GRK7: variants seen among roughly 807,000 people sequenced by gnomAD.
GRK7 encodes the protein rhodopsin kinase GRK7.
GRK7 carries 24 observed loss-of-function variants against 34.1 expected under a neutral mutation model. That is an observed-to-expected ratio of 0.70 (90% CI 0.51 to 0.99). The LOEUF is 0.99. Ranked by LOEUF, GRK7 falls within the 50% of genes least tolerant of loss-of-function variation. The pLI, the probability that GRK7 is intolerant of heterozygous loss-of-function variation, is 0.00. For missense variants in GRK7, 644 were observed against 707.3 expected (o/e 0.91, Z 1.02); for synonymous variants, 256 against 279.4 (o/e 0.92, Z 0.84).
chr3:141,801,894 A>G (rs1480051794), intron 4 of GRK7, among the ~76,000 whole-genome samples: 1 of 152,208 alleles, frequency 6.6e-6, no homozygotes, highest in African/African-American at 2.4e-5. Flanking sequence ...ATAATAAAAT[A>G]CTTTTTTAAA....
At chr3:141,808,677 C>T (rs1441939018) in intron 5 of GRK7, among the ~76,000 whole-genome samples, 2 of 152,058 alleles carry the variant, frequency 1.3e-5, no homozygotes, top group East Asian at 1.9e-4. Context: ...CAAGCCACTG[C>T]ACTCCAGCCT....
chr3:141,785,916 G>A (rs62283083), intron 4 of GRK7, among the ~76,000 whole-genome samples: 44 of 149,020 alleles, frequency 3.0e-4, no homozygotes, highest in Non-Finnish European at 5.0e-4. Context: ...TCCAGCCTGG[G>A]TGACAGAACA....
At chr3:141,766,996 T>C (rs967461777) in intron 1 of GRK7, among the ~76,000 whole-genome samples, 10 of 152,254 alleles carry the variant, frequency 6.6e-5, no homozygotes, top group African/African-American at 2.4e-4. Flanking sequence ...AAGAAGAATA[T>C]CCTCTGTTAT....
intron 5 of GRK7, among the ~76,000 whole-genome samples, chr3:141,810,318 T>C (rs1711079757): frequency 5.9e-5 from 8 of 136,684 alleles, no homozygotes; most frequent in East Asian, 2.2e-4. Context: ...CTCCTTCCCT[T>C]CCTCTCTCCC....
rs1418828052 is a variant in GRK7 at position 141,765,269 on chromosome 3, T to C, written c.-684T>C. Among the ~76,000 whole-genome samples, 1 of 152,160 alleles carries C rather than the reference T, an allele frequency of 6.6e-6. No homozygotes were observed. Among genetic ancestry groups the C allele is most frequent in the Non-Finnish European group, 1.5e-5 (1 of 68,028 alleles). Reference sequence around the variant, plus strand: ...TCCTTCTCCCTGAAGTGCTCTACCCTCAGGCAGTCACATGGCTCACGCCCT... The same window carrying C: ...TCCTTCTCCCTGAAGTGCTCTACCCCCAGGCAGTCACATGGCTCACGCCCT... On this transcript the variant is annotated 5_prime_UTR_variant, in exon 1 of 6. Transcript: ENST00000682958.
At chr3:141,810,405 C>CCCTCTTT (rs1711082438) in intron 5 of GRK7, among the ~76,000 whole-genome samples, 1 of 152,022 alleles carries the variant, frequency 6.6e-6, no homozygotes, top group Admixed American at 6.5e-5. Flanking sequence ...CTCTCTCTCC[C>CCCTCTTT]TCTCAGAGAC....
chr3:141,813,605 C>T (rs1711118645), intron 5 of GRK7, among the ~76,000 whole-genome samples: 1 of 152,118 alleles, frequency 6.6e-6, no homozygotes. Flanking sequence ...CCCCTTGTAG[C>T]ACCTTTTGAT....
chr3:141,767,099 T>C (rs962712850), intron 1 of GRK7, among the ~76,000 whole-genome samples: 1 of 152,204 alleles, frequency 6.6e-6, no homozygotes, highest in Non-Finnish European at 1.5e-5. Context: ...TCAATATTTA[T>C]GGACTTAATT....
At chr3:141,752,996 G>C in the GRK7 span, among the ~76,000 whole-genome samples, 1 of 152,098 alleles carries the variant, frequency 6.6e-6, no homozygotes, top group East Asian at 1.9e-4. Flanking sequence ...CCCAAATTGT[G>C]AGAAAATACA....
chr3:141,754,432 CTTTTTTTTT>C, the GRK7 span, among the ~76,000 whole-genome samples: 1 of 119,604 alleles, frequency 8.4e-6, no homozygotes, highest in Non-Finnish European at 1.7e-5. Context: ...TCACCACTGT[CTTTTTTTTT>C]TTTTTTTTTT....
intron 4 of GRK7, among the ~76,000 whole-genome samples, chr3:141,800,705 T>C (rs1710950707): frequency 6.6e-6 from 1 of 152,190 alleles, no homozygotes; most frequent in African/African-American, 2.4e-5. Flanking sequence ...CATACTATAC[T>C]GTACCATTTA....
intron 4 of GRK7, 102 bp downstream of exon 4, chr3:141,780,913 T>G: frequency 1.8e-6 from 2 of 1,082,510 alleles, no homozygotes; most frequent in South Asian, 3.3e-5. Context: ...GACTTAATTC[T>G]TTTGGTTTTT....
upstream of GRK7, among the ~76,000 whole-genome samples, chr3:141,762,380 G>A (rs977195749): frequency 6.9e-6 from 1 of 145,644 alleles, no homozygotes; most frequent in Non-Finnish European, 1.5e-5. Flanking sequence ...TGCCGTGTGA[G>A]GTGTCAGTGT....
chr3:141,767,735 A>G (rs2084596226), intron 1 of GRK7, among the ~76,000 whole-genome samples: 1 of 152,186 alleles, frequency 6.6e-6, no homozygotes, highest in African/African-American at 2.4e-5. Flanking sequence ...AACAGAGGAC[A>G]AGAATCATTT....
chr3:141,785,871 C>T (rs2946933), intron 4 of GRK7, among the ~76,000 whole-genome samples: 48,366 of 149,958 alleles, frequency 0.32, 11,695 homozygotes, highest in African/African-American at 0.69. Context: ...CTCAGGAGTT[C>T]AAGGCTTCAG....
intron 4 of GRK7, among the ~76,000 whole-genome samples, chr3:141,801,797 G>A (rs1345693739): frequency 6.6e-6 from 1 of 152,112 alleles, no homozygotes; most frequent in African/African-American, 2.4e-5. Flanking sequence ...GACAATATTG[G>A]CCATGTGTGG....
chr3:141,774,135 T>G (rs993980576), intron 1 of GRK7, among the ~76,000 whole-genome samples: 2 of 152,158 alleles, frequency 1.3e-5, no homozygotes, highest in African/African-American at 4.8e-5. Flanking sequence ...TTGTTAGCAA[T>G]CACAGAAAGT....
chr3:141,777,473 C>T (rs1481643760), intron 2 of GRK7, among the ~76,000 whole-genome samples: 1 of 140,810 alleles, frequency 7.1e-6, no homozygotes, highest in African/African-American at 2.6e-5. Flanking sequence ...TACAGGCGCC[C>T]GCCATCAAGC....
At chr3:141,789,391 C>G (rs978202217) in intron 4 of GRK7, among the ~76,000 whole-genome samples, 1 of 152,194 alleles carries the variant, frequency 6.6e-6, no homozygotes, top group South Asian at 2.1e-4. Flanking sequence ...GCCCCATACA[C>G]TTCCTACCAA....
Sources: gnomAD v4.1 joint callset for allele counts (sites outside exome capture counted in the v4.1 genomes callset) on GRCh38, gnomAD v4.1.1 for gene constraint, MANE v1.5 for transcripts, NCBI Gene and HGNC (gene_info 2026-07-23, HGNC 2026-07-21) for gene names.